Variants in RHOT1 observed in about 807,000 individuals in gnomAD.
RHOT1 encodes ras homolog family member T1.
Under a neutral mutation model 95.3 loss-of-function variants are expected in RHOT1, and 27 were observed. That is an observed-to-expected ratio of 0.28 (90% confidence interval 0.21 to 0.39). RHOT1 has a LOEUF of 0.39. RHOT1 is among the 10% of genes least tolerant of loss of function. The pLI is 1.00. For synonymous variants in RHOT1, 227 were observed against 263.5 expected, an observed-to-expected ratio of 0.86 and a Z score of 1.34; for missense variants, 578 against 786.7, an observed-to-expected ratio of 0.73 and a Z score of 3.17.
In RHOT1 at chr17:32,199,498, T is replaced by G; in HGVS notation, c.1048T>G (p.Cys350Gly). The change falls in exon 13 of 20, where the codon TGT (cysteine) becomes GGT (glycine). Residue 350 changes from cysteine (C) to glycine (G), a missense_variant. Physicochemically the swap from Cys to Gly is radical, Grantham distance 159. This residue lies in a region of RHOT1 where 227 missense variants were observed against 316.0 expected (regional missense o/e 0.72). Coordinates refer to ENST00000545287, the MANE Select transcript of RHOT1 (RefSeq NM_001033566.3). ...PWGPDVNNTVCTNERGWITYQ... is the reference protein window; with the variant it reads ...PWGPDVNNTVGTNERGWITYQ... ...GGGGCCAGATGTGAATAACACAGTT[T>G]GTACCAATGAAAGAGGCTGGATAAC... 1 of 1,613,066 alleles carries G rather than the reference T, an allele frequency of 6.2e-7. No homozygotes were observed. The highest frequency in any genetic ancestry group is 8.5e-7 in the Non-Finnish European group (1 of 1,179,770).
At chr17:32,212,347 A>T (rs970566220) in intron 19 of RHOT1, among the ~76,000 whole-genome samples, 1 of 152,220 alleles carries the variant, frequency 6.6e-6, no homozygotes, top group East Asian at 1.9e-4. Flanking sequence ...CAGCTCTGGA[A>T]TAAGAATGCA....
intron 1 of RHOT1, 72 bp downstream of exon 1, chr17:32,142,801 C>A: frequency 7.6e-7 from 1 of 1,316,842 alleles, no homozygotes; most frequent in Non-Finnish European, 1.0e-6. Flanking sequence ...TCGCCCCTGT[C>A]GCCCCTGCAG....
In RHOT1 at chr17:32,206,192, C is replaced by CTTTTTTTTTTTT. The variant is rs71144812; in HGVS notation, c.1417-699_1417-688dup. On this transcript the variant is annotated intron_variant, in intron 16 of 19. Transcript: ENST00000545287. Reference sequence around the variant, plus strand: ...TCACTAATACTAGCTTCCATAGAATCTTTTTTTTTTTTTTTTTTTTTTTTT... The same window carrying CTTTTTTTTTTTT: ...TCACTAATACTAGCTTCCATAGAATCTTTTTTTTTTTTTTTTTTTTTTTTTTTTTTTTTTTTT... Among the ~76,000 whole-genome samples, 8 of 60,528 alleles carry CTTTTTTTTTTTT rather than the reference C, an allele frequency of 1.3e-4. 1 individual carries two copies. The highest frequency in any genetic ancestry group is 5.4e-4 in the African/African-American group (7 of 13,000). 39.7% of individuals were successfully genotyped at this position (60,528 alleles called of 152,430 possible).
At chr17:32,166,193 A>C (rs1318812262) in intron 1 of RHOT1, among the ~76,000 whole-genome samples, 1 of 152,060 alleles carries the variant, frequency 6.6e-6, no homozygotes, top group East Asian at 1.9e-4. Flanking sequence ...ATCTCAAAAA[A>C]AAAAAAAAAA....
intron 1 of RHOT1, chr17:32,159,551 G>C (rs1359565232): frequency 6.6e-6 from 1 of 152,474 alleles, no homozygotes; most frequent in Non-Finnish European, 1.5e-5. Context: ...TGTGGGCTTG[G>C]AGATGTCTGC....
intron 1 of RHOT1, chr17:32,150,775 CT>C: frequency 6.3e-7 from 1 of 1,581,382 alleles, no homozygotes; most frequent in Non-Finnish European, 8.6e-7. Context: ...TTGGAAGTCA[CT>C]TGTGGGACTC....
chr17:32,144,979 C>T (rs1192342479), intron 1 of RHOT1, among the ~76,000 whole-genome samples: 2 of 150,564 alleles, frequency 1.3e-5, no homozygotes, highest in African/African-American at 4.9e-5. Flanking sequence ...GGTGACAGAG[C>T]AAGACTGTCT....
intron 1 of RHOT1, among the ~76,000 whole-genome samples, chr17:32,146,441 ATTATTT>A (rs1406375665): frequency 1.3e-5 from 2 of 151,322 alleles, no homozygotes; most frequent in South Asian, 2.1e-4. Context: ...TATTATTATT[ATTATTT>A]TTATTTTATT....
At chr17:32,167,642 A>C (rs564497851) in intron 1 of RHOT1, among the ~76,000 whole-genome samples, 1 of 152,366 alleles carries the variant, frequency 6.6e-6, no homozygotes, top group East Asian at 1.9e-4. Context: ...AGCAACCTGC[A>C]TTAGCCCCTA....
intron 1 of RHOT1, among the ~76,000 whole-genome samples, chr17:32,146,450 A>G (rs113934956): frequency 6.6e-6 from 1 of 151,012 alleles, no homozygotes; most frequent in Non-Finnish European, 1.5e-5. Context: ...TATTATTTTT[A>G]TTTTATTTTT....
chr17:32,180,965 G>A (rs1482455260), intron 6 of RHOT1, among the ~76,000 whole-genome samples: 3 of 152,184 alleles, frequency 2.0e-5, no homozygotes, highest in Non-Finnish European at 2.9e-5. Context: ...AATTACAGGC[G>A]TGAGCCACTG....
At chr17:32,206,526 A>C (rs1412366975) in intron 16 of RHOT1, among the ~76,000 whole-genome samples, 1 of 127,620 alleles carries the variant, frequency 7.8e-6, no homozygotes, top group East Asian at 2.2e-4. Flanking sequence ...ATCTCTGCTC[A>C]CTGCGAGCTC....
intron 9 of RHOT1, among the ~76,000 whole-genome samples, chr17:32,192,620 T>TG (rs1190976805): frequency 1.3e-5 from 2 of 151,672 alleles, no homozygotes; most frequent in Non-Finnish European, 2.9e-5. Context: ...AGAAACAGGA[T>TG]GGAGGGAGTT....
At chr17:32,159,041 G>C (rs1167091552) in intron 1 of RHOT1, among the ~76,000 whole-genome samples, 1 of 152,098 alleles carries the variant, frequency 6.6e-6, no homozygotes, top group Non-Finnish European at 1.5e-5. Flanking sequence ...GGCTGGGCAG[G>C]ACCTGCTTCC....
At chr17:32,148,226 C>G (rs2031676155) in intron 1 of RHOT1, among the ~76,000 whole-genome samples, 1 of 151,966 alleles carries the variant, frequency 6.6e-6, no homozygotes, top group South Asian at 2.1e-4. Flanking sequence ...AATCATGCCA[C>G]TGCACCCCAG....
At chr17:32,201,411 AAATCTTGT>A (rs1349425529) in intron 14 of RHOT1, among the ~76,000 whole-genome samples, 3 of 152,228 alleles carry the variant, frequency 2.0e-5, no homozygotes, top group African/African-American at 7.2e-5. Flanking sequence ...CAGCTTTCAC[AAATCTTGT>A]AAGCCAGGCA....
intron 18 of RHOT1, among the ~76,000 whole-genome samples, chr17:32,210,434 A>AT (rs780077190): frequency 4.3e-4 from 65 of 152,130 alleles, no homozygotes; most frequent in Non-Finnish European, 4.6e-4. Flanking sequence ...TCCATTGTTG[A>AT]TTTTACATCC....
At chr17:32,201,286 C>T (rs537321683) in intron 14 of RHOT1, among the ~76,000 whole-genome samples, 3 of 152,292 alleles carry the variant, frequency 2.0e-5, no homozygotes, top group African/African-American at 4.8e-5. Context: ...GGGGTTACTC[C>T]ACTGATGAAA....
intron 1 of RHOT1, 100 bp from the exon 2 acceptor site, chr17:32,170,943 G>T: frequency 1.5e-6 from 1 of 677,254 alleles, no homozygotes; most frequent in South Asian, 2.0e-5. Flanking sequence ...GGATGCCTTA[G>T]ATTTTAGCTA....
Sources: gnomAD v4.1 joint callset for allele counts (sites outside exome capture counted in the v4.1 genomes callset) on GRCh38, gnomAD v4.1.1 for gene constraint, gnomAD v4.1.1 regional missense constraint, MANE v1.5 for transcripts, NCBI Gene and HGNC (gene_info 2026-07-23, HGNC 2026-07-21) for gene names.